Variants in MEI4 observed in about 807,000 individuals in gnomAD.
MEI4 encodes meiotic double-stranded break formation protein 4.
A neutral mutation model predicts 31.4 loss-of-function variants in MEI4; 27 were observed. The observed-to-expected ratio is 0.86, with a 90% CI of 0.63 to 1.19. The LOEUF (loss-of-function observed/expected upper bound fraction) is 1.19, where lower values mean the gene tolerates loss of function less well. Among genes scored for constraint, MEI4 ranks in the 50% most tolerant of loss-of-function variants. MEI4 has a pLI of 0.00. For missense variants in MEI4, 329 were observed against 398.9 expected, an observed-to-expected ratio of 0.82 and a Z score of 1.49; for synonymous variants, 122 against 145.4, an observed-to-expected ratio of 0.84 and a Z score of 1.16.
intron 3 of MEI4, among the ~76,000 whole-genome samples, chr6:77,777,318 C>G (rs183073102): frequency 6.6e-6 from 1 of 152,194 alleles, no homozygotes; most frequent in East Asian, 1.9e-4. Flanking sequence ...GCAAAAGACT[C>G]ATAAATTAGC....
intron 4 of MEI4, among the ~76,000 whole-genome samples, chr6:77,863,196 C>T (rs7767542): frequency 0.48 from 72,917 of 151,944 alleles, 18,104 homozygotes; most frequent in East Asian, 0.67. Flanking sequence ...TCCAAAGCAA[C>T]GCAGCTCCTC....
chr6:77,814,368 T>G (rs568669043), intron 3 of MEI4, among the ~76,000 whole-genome samples: 22 of 151,154 alleles, frequency 1.5e-4, no homozygotes, highest in Non-Finnish European at 2.8e-4. Context: ...AGCAGCAATC[T>G]TGCAAAAGGA....
chr6:77,776,433 A>C (rs908263002), intron 3 of MEI4, among the ~76,000 whole-genome samples: 1 of 152,144 alleles, frequency 6.6e-6, no homozygotes, highest in African/African-American at 2.4e-5. Context: ...TTTGCCAGGT[A>C]TAGAAACTTG....
intron 4 of MEI4, among the ~76,000 whole-genome samples, chr6:77,908,449 G>T (rs1236803548): frequency 6.6e-6 from 1 of 152,098 alleles, no homozygotes; most frequent in Non-Finnish European, 1.5e-5. Context: ...TTAAAGATCA[G>T]TTGGTTGTAG....
intron 4 of MEI4, among the ~76,000 whole-genome samples, chr6:77,859,948 ATTTTATTAGC>A (rs1770829577): frequency 6.6e-6 from 1 of 152,144 alleles, no homozygotes; most frequent in Non-Finnish European, 1.5e-5. Flanking sequence ...TTCTGAACTG[ATTTTATTAGC>A]TTTTATTCCA....
chr6:77,914,270 C>T (rs1021303102), intron 4 of MEI4, among the ~76,000 whole-genome samples: 1 of 151,748 alleles, frequency 6.6e-6, no homozygotes, highest in African/African-American at 2.4e-5. Flanking sequence ...TTTGCTATAT[C>T]CCATGTTTTG....
At chr6:77,881,319 C>T (rs547929352) in intron 4 of MEI4, among the ~76,000 whole-genome samples, 1 of 152,130 alleles carries the variant, frequency 6.6e-6, no homozygotes, top group South Asian at 2.1e-4. Flanking sequence ...CTACAGAACC[C>T]TTTTTTCAGG....
intron 4 of MEI4, among the ~76,000 whole-genome samples, chr6:77,844,516 C>G (rs1770434074): frequency 6.6e-6 from 1 of 152,082 alleles, no homozygotes; most frequent in African/African-American, 2.4e-5. Context: ...CTTCTCAGCT[C>G]TTGAAATTTC....
chr6:77,762,228 A>G (rs1331288816), intron 3 of MEI4, among the ~76,000 whole-genome samples: 2 of 152,186 alleles, frequency 1.3e-5, no homozygotes, highest in Non-Finnish European at 2.9e-5. Flanking sequence ...AAATTGGCTA[A>G]GGAGCACATA....
chr6:77,901,289 A>G (rs1235315762), intron 4 of MEI4, among the ~76,000 whole-genome samples: 1 of 151,962 alleles, frequency 6.6e-6, no homozygotes, highest in Non-Finnish European at 1.5e-5. Flanking sequence ...TTTTAGAGGC[A>G]TCTCTGTTTT....
intron 2 of MEI4, among the ~76,000 whole-genome samples, chr6:77,705,320 A>G (rs750945639): frequency 8.5e-5 from 13 of 152,222 alleles, no homozygotes; most frequent in Admixed American, 3.3e-4. Flanking sequence ...ATATCAATCC[A>G]TAGAAAAGTA....
chr6:77,776,099 G>A (rs1768431867), intron 3 of MEI4, among the ~76,000 whole-genome samples: 1 of 150,890 alleles, frequency 6.6e-6, no homozygotes. Flanking sequence ...TTTGTTGGAT[G>A]TATAGATTGC....
rs142708239 is a variant in MEI4, at chr6:77,866,918, G to A, written c.900+37856G>A. 3.4e-3 allele frequency among the ~76,000 whole-genome samples: 518 copies of A among 152,154 alleles called. 2 individuals carry two copies. The highest frequency in any genetic ancestry group is 0.011 in the African/African-American group (465 of 41,504). On this transcript the variant is annotated intron_variant, in intron 4 of 4. Coordinates refer to ENST00000684080, the MANE Select transcript of MEI4 (RefSeq NM_001322247.2). ...GAACAGAGCTCTCAGAAATAATGCC[G>A]CATATCTACAACCATCTGATCTTTG...
At chr6:77,762,621 G>T (rs1768071131) in intron 3 of MEI4, among the ~76,000 whole-genome samples, 1 of 152,098 alleles carries the variant, frequency 6.6e-6, no homozygotes, top group Admixed American at 6.6e-5. Context: ...CTAACATTTA[G>T]GGTTTTTGTA....
At chr6:77,688,122 G>T (rs528878427) in intron 1 of MEI4, among the ~76,000 whole-genome samples, 1 of 152,194 alleles carries the variant, frequency 6.6e-6, no homozygotes, top group African/African-American at 2.4e-5. Context: ...TGATGCCATA[G>T]AAGTTCATTT....
At chr6:77,714,834 C>T (rs189079956) in intron 2 of MEI4, among the ~76,000 whole-genome samples, 3 of 152,296 alleles carry the variant, frequency 2.0e-5, no homozygotes, top group Non-Finnish European at 4.4e-5. Context: ...GATCTCTCAA[C>T]ACTCATGCAA....
chr6:77,802,743 C>A (rs1283373220), intron 3 of MEI4, among the ~76,000 whole-genome samples: 1 of 152,162 alleles, frequency 6.6e-6, no homozygotes, highest in Admixed American at 6.5e-5. Flanking sequence ...CTTAGTTTAT[C>A]TGGATATGAA....
intron 4 of MEI4, among the ~76,000 whole-genome samples, chr6:77,880,944 A>T (rs1771475382): frequency 6.6e-6 from 1 of 152,108 alleles, no homozygotes; most frequent in Non-Finnish European, 1.5e-5. Flanking sequence ...TATGGTTTTA[A>T]ATTAAAATTA....
intron 4 of MEI4, among the ~76,000 whole-genome samples, chr6:77,905,417 C>T (rs1282148616): frequency 1.4e-5 from 2 of 147,824 alleles, no homozygotes; most frequent in Non-Finnish European, 3.0e-5. Context: ...AATTAGACAC[C>T]TTTGCCATTT....
Sources: allele counts gnomAD v4.1 joint callset (sites outside exome capture counted in the v4.1 genomes callset), GRCh38; gene constraint gnomAD v4.1.1; transcripts MANE v1.5; gene names NCBI Gene and HGNC (gene_info 2026-07-23, HGNC 2026-07-21).